The following RALGAPA2 variants were observed in gnomAD, a reference collection of about 807,000 sequenced individuals.
RALGAPA2 encodes ral GTPase-activating protein subunit alpha-2.
In RALGAPA2, 139 loss-of-function variants were observed where a neutral mutation model predicts 230.4. The observed-to-expected ratio is 0.60, with a 90% CI of 0.53 to 0.69. RALGAPA2 has a LOEUF of 0.69. Ranked by LOEUF, RALGAPA2 falls within the 30% of genes least tolerant of loss-of-function variation. The pLI is 0.00. For missense variants in RALGAPA2, 2,163 were observed against 2,276.0 expected (o/e 0.95, Z 1.01); for synonymous variants, 847 against 837.8 (o/e 1.01, Z -0.19).
chr20:20,578,475 A>G (rs2064889025), intron 20 of RALGAPA2, among the ~76,000 whole-genome samples: 1 of 152,162 alleles, frequency 6.6e-6, no homozygotes. Flanking sequence ...AACTCTTACA[A>G]GCATAATTGT....
chr20:20,623,019 A>T (rs940709162), intron 10 of RALGAPA2, among the ~76,000 whole-genome samples: 2 of 152,170 alleles, frequency 1.3e-5, no homozygotes, highest in Non-Finnish European at 2.9e-5. Context: ...ACTACAAATG[A>T]CCGTAAAACT....
intron 38 of RALGAPA2, among the ~76,000 whole-genome samples, chr20:20,401,728 G>A (rs1052185876): frequency 1.3e-5 from 2 of 152,220 alleles, no homozygotes; most frequent in African/African-American, 4.8e-5. Flanking sequence ...AGGAAACATT[G>A]CAGAAGCAAT....
chr20:20,394,720 A>G (rs960426289), intron 39 of RALGAPA2, among the ~76,000 whole-genome samples: 1 of 152,042 alleles, frequency 6.6e-6, no homozygotes, highest in African/African-American at 2.4e-5. Context: ...CATCCACAAG[A>G]GAAGCTAGAT....
At chr20:20,568,004 G>C (rs2064499873) in intron 23 of RALGAPA2, among the ~76,000 whole-genome samples, 1 of 152,084 alleles carries the variant, frequency 6.6e-6, no homozygotes, top group South Asian at 2.1e-4. Context: ...GTCCAGCACT[G>C]TGAGTGCTGA....
rs572710781 is a variant in RALGAPA2 at position 20,439,427 on chromosome 20, G to C, written c.5496-27279C>G. On this transcript the variant is annotated intron_variant, in intron 37 of 39. Coordinates refer to ENST00000202677, the MANE Select transcript of RALGAPA2 (RefSeq NM_020343.4). ...GGGGTTTCATCATGTTGCCCAGGCT[G>C]GTCTCGAACTCCAGAGCTTAAGCGA... Among the ~76,000 whole-genome samples the C allele has an allele frequency of 6.6e-5, 10 of 152,092 alleles. No homozygotes were observed. The South Asian group carries it at 2.1e-3, about 32-fold the overall frequency.
chr20:20,583,870 T>C (rs2065056759), intron 19 of RALGAPA2, among the ~76,000 whole-genome samples: 1 of 152,256 alleles, frequency 6.6e-6, no homozygotes, highest in Admixed American at 6.5e-5. Context: ...GTCTCCTGTC[T>C]ACTTCATAAC....
intron 13 of RALGAPA2, among the ~76,000 whole-genome samples, chr20:20,613,522 G>A (rs1215721065): frequency 6.6e-6 from 1 of 152,168 alleles, no homozygotes; most frequent in Admixed American, 6.5e-5. Context: ...ATTATGTTAT[G>A]TCACAATCTT....
intron 37 of RALGAPA2, among the ~76,000 whole-genome samples, chr20:20,413,631 C>T (rs1282407611): frequency 6.6e-6 from 1 of 152,210 alleles, no homozygotes; most frequent in Non-Finnish European, 1.5e-5. Flanking sequence ...TACTGGATCG[C>T]ACAGATACAG....
At chr20:20,557,064 C>T (rs2064104990) in intron 23 of RALGAPA2, among the ~76,000 whole-genome samples, 1 of 152,130 alleles carries the variant, frequency 6.6e-6, no homozygotes, top group Non-Finnish European at 1.5e-5. Flanking sequence ...AATCCCAGCA[C>T]TTTGGGAGGC....
chr20:20,559,692 A>C (rs2145828572), intron 23 of RALGAPA2, among the ~76,000 whole-genome samples: 1 of 152,174 alleles, frequency 6.6e-6, no homozygotes, highest in African/African-American at 2.4e-5. Context: ...AGATGCTTTA[A>C]GTGTAGATTT....
chr20:20,629,225 A>G, intron 10 of RALGAPA2, 138 bp downstream of exon 10: 1 of 694,680 alleles, frequency 1.4e-6, no homozygotes, highest in Admixed American at 2.3e-5. Context: ...TTTATTATTC[A>G]GTTCTGTAAC....
At chr20:20,649,543 T>A (rs1421408535) in intron 4 of RALGAPA2, among the ~76,000 whole-genome samples, 1 of 152,190 alleles carries the variant, frequency 6.6e-6, no homozygotes, top group South Asian at 2.1e-4. Context: ...AAAAAACATA[T>A]GAGGTATTGC....
chr20:20,487,032 A>G (rs555178576), intron 36 of RALGAPA2, among the ~76,000 whole-genome samples: 2 of 152,276 alleles, frequency 1.3e-5, no homozygotes, highest in African/African-American at 4.8e-5. Flanking sequence ...TTAAATTGTC[A>G]ATCTGATTAT....
intron 37 of RALGAPA2, among the ~76,000 whole-genome samples, chr20:20,438,266 G>C (rs1416463237): frequency 6.6e-6 from 1 of 152,260 alleles, no homozygotes; most frequent in South Asian, 2.1e-4. Flanking sequence ...GCTCATTACT[G>C]CTTCAAAATT....
intron 23 of RALGAPA2, among the ~76,000 whole-genome samples, chr20:20,569,076 T>C (rs1431315114): frequency 6.6e-6 from 1 of 152,234 alleles, no homozygotes; most frequent in Non-Finnish European, 1.5e-5. Flanking sequence ...CCATAAATGC[T>C]TTCTTTTCTT....
Position 20,629,448 on chromosome 20 carries a change from T to C in RALGAPA2, c.1148A>G (p.Glu383Gly), listed in dbSNP as rs1262439668. Residue 383 changes from glutamate (E) to glycine (G), a missense_variant, in exon 10 of 40, where the codon GAG becomes GGG. By Grantham distance (98) the Glu-to-Gly change is moderately conservative. Coordinates refer to ENST00000202677, the MANE Select transcript of RALGAPA2 (RefSeq NM_020343.4). The part of the protein sequence containing the change: ...SNSSLCSIEE[E>G]HRMVYEMVQR... ...TACCATTTCATACACCATTCGGTGC[T>C]CTTCTTCAATGCTACAGAGGCTGGA... 20 of 1,613,802 alleles carry C rather than the reference T, an allele frequency of 1.2e-5. No individual in the cohort carries two copies. The highest frequency in any genetic ancestry group is 1.7e-5 in the Non-Finnish European group (20 of 1,179,894).
intron 23 of RALGAPA2, among the ~76,000 whole-genome samples, chr20:20,563,571 G>A (rs561707510): frequency 1.9e-4 from 29 of 152,178 alleles, no homozygotes; most frequent in African/African-American, 3.9e-4. Context: ...GTGTATCCTC[G>A]GATGCACCCA....
chr20:20,505,526 G>A lies in RALGAPA2; in HGVS notation c.4937C>T (p.Thr1646Ile). The change falls in exon 34 of 40, where the codon ACA becomes ATA. Residue 1646 changes from threonine to isoleucine, a missense_variant. By Grantham distance (89) the Thr-to-Ile change is moderately conservative. Coordinates refer to ENST00000202677, the MANE Select transcript of RALGAPA2 (RefSeq NM_020343.4). Reference sequence around the variant, plus strand: ...AATGTAAAACACTGCGATTTTGTGTGTCTCACGGCTATAAATTTTTAAATT... The same window carrying A: ...AATGTAAAACACTGCGATTTTGTGTATCTCACGGCTATAAATTTTTAAATT... ...KNLDSRQCRE[T>I]HKIAVFYIAE... The A allele has an allele frequency of 6.3e-7, 1 of 1,578,528 alleles. No individual in the cohort carries two copies. Among genetic ancestry groups the A allele is most frequent in the Non-Finnish European group, 8.6e-7 (1 of 1,165,192 alleles).
At chr20:20,654,082 T>C (rs1325831960) in intron 3 of RALGAPA2, among the ~76,000 whole-genome samples, 1 of 152,198 alleles carries the variant, frequency 6.6e-6, no homozygotes, top group Non-Finnish European at 1.5e-5. Flanking sequence ...AAGAATTTCA[T>C]GAAATTAATG....
Sources: gnomAD v4.1 joint callset for allele counts (sites outside exome capture counted in the v4.1 genomes callset) on GRCh38, gnomAD v4.1.1 for gene constraint, MANE v1.5 for transcripts, NCBI Gene and HGNC (gene_info 2026-07-23, HGNC 2026-07-21) for gene names.